Variants in EZR observed in about 807,000 individuals in gnomAD.
EZR encodes the protein cytovillin 2.
A neutral mutation model predicts 74.8 loss-of-function variants in EZR; 40 were observed. The ratio of observed to expected loss-of-function variants is 0.53; its 90% CI spans 0.42 to 0.70. The LOEUF (loss-of-function observed/expected upper bound fraction) is 0.70. EZR is among the 30% of genes least tolerant of loss of function. EZR has a pLI of 0.00. For missense variants in EZR, 678 were observed against 755.8 expected (o/e 0.90, Z 1.21); for synonymous variants, 341 against 283.3 (o/e 1.20, Z -2.05).
intron 2 of EZR, among the ~76,000 whole-genome samples, chr6:158,804,539 AACTT>A (rs1777287307): frequency 6.6e-6 from 1 of 152,240 alleles, no homozygotes; most frequent in Admixed American, 6.5e-5. Context: ...TATACACAGA[AACTT>A]AAGTTTAGTA....
At chr6:158,785,752 A>G (rs975210521) in intron 4 of EZR, among the ~76,000 whole-genome samples, 169 bp from the exon 5 acceptor site, 1 of 152,194 alleles carries the variant, frequency 6.6e-6, no homozygotes, top group East Asian at 1.9e-4. Context: ...GTTAGTCAAA[A>G]GTGCTACCAC....
In EZR at chr6:158,784,697, G is replaced by A. The variant is rs1239709760; in HGVS notation, c.498C>T (p.Asp166=). 4 of 1,614,150 alleles carry A rather than the reference G, an allele frequency of 2.5e-6. No homozygotes were observed. The South Asian group carries it at 3.3e-5, about 13-fold the overall frequency. Residue 166 remains aspartate (D), a synonymous_variant, in exon 6 of 14, where the codon GAC becomes GAT. Transcript: ENST00000367075. ...ACACCTGGATCCGGTCCTCCCACTG[G>A]TCCCTGGTAAGTTTGTGCTGGTCCA... The part of the protein sequence containing the change: ...RVMDQHKLTR[D]QWEDRIQVWH...
chr6:158,774,914 T>C (rs1032363570), intron 8 of EZR, among the ~76,000 whole-genome samples: 1 of 152,078 alleles, frequency 6.6e-6, no homozygotes. Flanking sequence ...ATTCATGCTG[T>C]TGCATAATAT....
intron 8 of EZR, among the ~76,000 whole-genome samples, chr6:158,772,036 T>G (rs1791126933): frequency 6.6e-6 from 1 of 152,136 alleles, no homozygotes; most frequent in Non-Finnish European, 1.5e-5. Flanking sequence ...ACAGAGACCT[T>G]CCAGCTCTGG....
intron 5 of EZR, among the ~76,000 whole-genome samples, 192 bp downstream of exon 5, chr6:158,785,117 C>T (rs149228936): frequency 7.9e-4 from 120 of 152,354 alleles, no homozygotes; most frequent in African/African-American, 2.7e-3. Context: ...GCTTTAGTTT[C>T]CATGAGGAAT....
At chr6:158,773,513 C>T (rs911296704) in intron 8 of EZR, among the ~76,000 whole-genome samples, 1 of 152,200 alleles carries the variant, frequency 6.6e-6, no homozygotes, top group African/African-American at 2.4e-5. Flanking sequence ...TTTAAACTGG[C>T]CGAGGACCAG....
rs1370985872 is a variant in EZR, at chr6:158,767,047, T to A, written c.1628A>T (p.Asp543Val). The A allele has an allele frequency of 3.7e-6, 6 of 1,614,056 alleles. No homozygotes were observed. The highest frequency in any genetic ancestry group is 5.1e-6 in the Non-Finnish European group (6 of 1,180,030). The change falls in exon 14 of 14, where the codon GAT becomes GTT. Residue 543 changes from aspartate (D) to valine (V), a missense_variant. Asp to Val is a radical substitution (Grantham distance 152). Coordinates refer to ENST00000367075, the MANE Select transcript of EZR (RefSeq NM_001111077.2). ...TLSSELSQAR[D>V]ENKRTHNDII... is the part of the protein sequence containing the mutation. ...GTCATTGTGGGTCCTCTTATTCTCA[T>A]CTCGGGCCTGGGACAGCTCGCTGCT...
chr6:158,807,821 T>TA (rs1489348950), intron 2 of EZR, among the ~76,000 whole-genome samples: 1 of 152,128 alleles, frequency 6.6e-6, no homozygotes, highest in Non-Finnish European at 1.5e-5. Flanking sequence ...CGGCTCCCTT[T>TA]ACAACTCCAA....
intron 2 of EZR, among the ~76,000 whole-genome samples, chr6:158,796,310 G>T (rs569988599): frequency 6.6e-6 from 1 of 152,338 alleles, no homozygotes; most frequent in South Asian, 2.1e-4. Flanking sequence ...TAAACCCCAA[G>T]CTGCTTTATT....
intron 2 of EZR, among the ~76,000 whole-genome samples, chr6:158,794,049 G>C (rs1791809952): frequency 6.6e-6 from 1 of 152,154 alleles, no homozygotes; most frequent in Non-Finnish European, 1.5e-5. Flanking sequence ...GGCCAAGGTG[G>C]GTGGCTCACT....
At chr6:158,782,251 G>C (rs1791452390) in intron 7 of EZR, among the ~76,000 whole-genome samples, 1 of 152,212 alleles carries the variant, frequency 6.6e-6, no homozygotes, top group Non-Finnish European at 1.5e-5. Context: ...TCCCTGACTT[G>C]CCCAAGTGAA....
chr6:158,806,091 G>A (rs998294519), intron 2 of EZR, among the ~76,000 whole-genome samples: 6 of 152,340 alleles, frequency 3.9e-5, no homozygotes, highest in Middle Eastern at 3.4e-3. Flanking sequence ...GGAACAAATC[G>A]TTCTATGTGT....
At chr6:158,814,096 G>A (rs1357564547) in intron 2 of EZR, among the ~76,000 whole-genome samples, 2 of 152,128 alleles carry the variant, frequency 1.3e-5, no homozygotes, top group African/African-American at 4.8e-5. Context: ...AGACCCACAA[G>A]GCCACACAGC....
At chr6:158,817,889 TG>T in intron 2 of EZR, 192 bp downstream of exon 2, 1 of 462,360 alleles carries the variant, frequency 2.2e-6, no homozygotes, top group Non-Finnish European at 3.9e-6. Flanking sequence ...AGCATCAAAA[TG>T]GTGTTTTCCT....
chr6:158,774,048 T>A (rs1266623360), intron 8 of EZR, among the ~76,000 whole-genome samples: 1 of 152,218 alleles, frequency 6.6e-6, no homozygotes, highest in East Asian at 1.9e-4. Context: ...AAGACTCATT[T>A]GTGAGTTCAC....
At chr6:158,791,088 G>A (rs950560861) in intron 2 of EZR, among the ~76,000 whole-genome samples, 1 of 152,060 alleles carries the variant, frequency 6.6e-6, no homozygotes, top group Non-Finnish European at 1.5e-5. Context: ...CTCCCCAGCC[G>A]CTCCCACCCC....
intron 2 of EZR, among the ~76,000 whole-genome samples, chr6:158,792,140 A>G (rs917199817): frequency 3.9e-5 from 6 of 152,252 alleles, no homozygotes; most frequent in African/African-American, 1.4e-4. Flanking sequence ...GCAGGAATTT[A>G]GAATAACTTA....
chr6:158,773,698 G>A (rs1278489060), intron 8 of EZR, among the ~76,000 whole-genome samples: 1 of 152,270 alleles, frequency 6.6e-6, no homozygotes, highest in Non-Finnish European at 1.5e-5. Flanking sequence ...ATGGCAGGAG[G>A]CAGCCGCGGG....
chr6:158,777,127 T>C (rs945889524), intron 7 of EZR, among the ~76,000 whole-genome samples: 2 of 152,226 alleles, frequency 1.3e-5, no homozygotes, highest in Non-Finnish European at 2.9e-5. Flanking sequence ...TTGAATGTTA[T>C]TTAAGTTACT....
Sources: allele counts gnomAD v4.1 joint callset (sites outside exome capture counted in the v4.1 genomes callset), GRCh38; gene constraint gnomAD v4.1.1; transcripts MANE v1.5; gene names NCBI Gene and HGNC (gene_info 2026-07-23, HGNC 2026-07-21).